Variants in NCOA3 observed in about 807,000 individuals in gnomAD.
The protein encoded by NCOA3 is CBP-interacting protein.
A neutral mutation model predicts 158.8 loss-of-function variants in NCOA3; 51 were observed. That is an observed-to-expected ratio of 0.32 (90% CI 0.26 to 0.41). The LOEUF (loss-of-function observed/expected upper bound fraction) is 0.41. Ranked by LOEUF, NCOA3 falls within the 10% of genes least tolerant of loss-of-function variation. NCOA3 has a pLI of 1.00. For missense variants in NCOA3, 1,510 were observed against 1,746.6 expected (o/e 0.86, Z 2.41); for synonymous variants, 537 against 592.4 (o/e 0.91, Z 1.36).
At position 47,618,479 on chromosome 20, in the gene NCOA3, T is replaced by G. The variant is rs558734542; in HGVS notation, c.-19-3750T>G. On this transcript the variant is annotated intron_variant, in intron 2 of 22. Coordinates refer to ENST00000371998, the MANE Select transcript of NCOA3 (RefSeq NM_181659.3). ...AAGCAATTCTCCTGTCTCAGCCTCCTGAGTAGCTGGAATTACAGACATGCA... is the reference window on the plus strand; with the variant it reads ...AAGCAATTCTCCTGTCTCAGCCTCCGGAGTAGCTGGAATTACAGACATGCA... 2.6e-5 allele frequency among the ~76,000 whole-genome samples: 4 copies of G among 151,318 alleles called. No homozygotes were observed. The East Asian group carries it at 7.9e-4, about 30-fold the overall frequency.
chr20:47,644,876 T>G (rs2086664153), intron 17 of NCOA3, among the ~76,000 whole-genome samples: 1 of 152,006 alleles, frequency 6.6e-6, no homozygotes, highest in Non-Finnish European at 1.5e-5. Context: ...TTTTGTATTT[T>G]TAGTAAAGAC....
At chr20:47,529,925 T>A (rs573630940) in intron 1 of NCOA3, among the ~76,000 whole-genome samples, 1 of 152,242 alleles carries the variant, frequency 6.6e-6, no homozygotes, top group Non-Finnish European at 1.5e-5. Flanking sequence ...GAAAGAAATA[T>A]GAAGAAGAAC....
chr20:47,513,517 GGAGTTTGAGACCAGCCTGGCC>G (rs1482137202), intron 1 of NCOA3, among the ~76,000 whole-genome samples: 1 of 152,016 alleles, frequency 6.6e-6, no homozygotes, highest in African/African-American at 2.4e-5. Flanking sequence ...TTCAAGGCCA[GGAGTTTGAGACCAGCCTGGCC>G]AACATGGCAA....
intron 2 of NCOA3, among the ~76,000 whole-genome samples, chr20:47,618,571 C>T (rs943568501): frequency 1.3e-5 from 2 of 152,106 alleles, no homozygotes; most frequent in African/African-American, 4.8e-5. Context: ...TCAGGCTGGT[C>T]TCGAACTCCC....
chr20:47,654,788 G>T lies in NCOA3; in HGVS notation c.*1371G>T, dbSNP rs1015629989. The T allele has an allele frequency of 6.6e-6, 1 of 152,042 alleles. No homozygotes were observed. The highest frequency in any genetic ancestry group is 2.4e-5 in the African/African-American group (1 of 41,398). The allele number at this position is 152,042 out of a possible 1,614,324, so 9.4% of individuals were successfully genotyped here. On this transcript the variant is annotated 3_prime_UTR_variant, in exon 23 of 23. Coordinates refer to ENST00000371998, the MANE Select transcript of NCOA3 (RefSeq NM_181659.3). ...AAAAAAATCAGGAATTTAAAAAAAC[G>T]AGCAATTTGAAGAGAATCTTTTGGA...
chr20:47,602,970 C>T (rs1266047422), intron 2 of NCOA3, among the ~76,000 whole-genome samples: 2 of 151,916 alleles, frequency 1.3e-5, no homozygotes, highest in East Asian at 1.9e-4. Flanking sequence ...AATTGCAGAG[C>T]GATAAGTTAT....
At chr20:47,525,263 T>A (rs1483625912) in intron 1 of NCOA3, among the ~76,000 whole-genome samples, 1 of 151,482 alleles carries the variant, frequency 6.6e-6, no homozygotes, top group Non-Finnish European at 1.5e-5. Context: ...AGGTCACCGA[T>A]CAACAGGATC....
chr20:47,517,182 C>T (rs147764875), intron 1 of NCOA3, among the ~76,000 whole-genome samples: 70 of 152,306 alleles, frequency 4.6e-4, no homozygotes, highest in African/African-American at 1.5e-3. Context: ...AGCACCACTG[C>T]ACTCCAGCCT....
At chr20:47,531,363 A>ACAAG (rs769631452) in intron 1 of NCOA3, among the ~76,000 whole-genome samples, 2 of 152,082 alleles carry the variant, frequency 1.3e-5, no homozygotes, top group African/African-American at 4.8e-5. Context: ...AAACAAACAA[A>ACAAG]CAAAAAGAAA....
Position 47,639,661 on chromosome 20 carries a change from A to G in NCOA3, c.2792A>G (p.Glu931Gly). 6.2e-7 allele frequency: 1 copy of G among 1,614,044 alleles called. No individual in the cohort carries two copies. Among genetic ancestry groups the G allele is most frequent in the South Asian group, 1.1e-5 (1 of 91,080 alleles). The part of the protein sequence containing the change: ...GLPNSKAGRM[E>G]PMNSNSMGRP... ...CCAAACTCAAAGGCCGGCAGAATGG[A>G]ACCTATGAATTCAAACTCCATGGGA... is the stretch of plus-strand genomic sequence containing the variant. The change falls in exon 15 of 23, where the codon GAA becomes GGA. Residue 931 changes from glutamate to glycine, a missense_variant. This residue lies in a region of NCOA3 where 1,017 missense variants were observed against 1,098.3 expected (regional missense o/e 0.93). Coordinates refer to ENST00000371998, the MANE Select transcript of NCOA3 (RefSeq NM_181659.3).
At chr20:47,542,746 G>C (rs1450988682) in intron 1 of NCOA3, among the ~76,000 whole-genome samples, 1 of 152,116 alleles carries the variant, frequency 6.6e-6, no homozygotes, top group Non-Finnish European at 1.5e-5. Flanking sequence ...TGGATCATTT[G>C]AGCCCCGGAG....
chr20:47,586,345 T>C (rs994132943), intron 2 of NCOA3, among the ~76,000 whole-genome samples: 1 of 152,206 alleles, frequency 6.6e-6, no homozygotes, highest in Non-Finnish European at 1.5e-5. Flanking sequence ...GTATTTGTGC[T>C]GTCCTACTCT....
At chr20:47,594,815 C>CAG (rs35052827) in intron 2 of NCOA3, among the ~76,000 whole-genome samples, 116,557 of 126,136 alleles carry the variant, frequency 0.92, 53,936 homozygotes, top group East Asian at 1. Flanking sequence ...TTTTTGGAGA[C>CAG]AGTTTTGCTG....
rs1211048414 is a variant in NCOA3 at position 47,637,631 on chromosome 20, T to G, written c.2377-17T>G. 1 of 1,591,694 alleles carries G rather than the reference T, an allele frequency of 6.3e-7. No individual in the cohort carries two copies. Among genetic ancestry groups the G allele is most frequent in the South Asian group, 1.2e-5 (1 of 86,728 alleles). ...CTGGTAATGTATACAGGTTAATTTTTAAAACTTTATTTTCAGGGATCTGGA... is the reference window on the plus strand; with the variant it reads ...CTGGTAATGTATACAGGTTAATTTTGAAAACTTTATTTTCAGGGATCTGGA... On this transcript the variant is annotated splice_polypyrimidine_tract_variant and intron_variant, in intron 12 of 22. Coordinates refer to ENST00000371998, the MANE Select transcript of NCOA3 (RefSeq NM_181659.3).
At chr20:47,568,115 G>T (rs1226275232) in intron 1 of NCOA3, among the ~76,000 whole-genome samples, 1 of 152,086 alleles carries the variant, frequency 6.6e-6, no homozygotes, top group African/African-American at 2.4e-5. Context: ...TCTATTTTTG[G>T]CACAGAAGCT....
chr20:47,542,019 T>TGTTTTG (rs1458269818), intron 1 of NCOA3, among the ~76,000 whole-genome samples: 1 of 117,826 alleles, frequency 8.5e-6, no homozygotes, highest in African/African-American at 3.2e-5. Context: ...GTTTTTTTTT[T>TGTTTTG]TTTTTTTTTT....
At chr20:47,637,550 ACTTG>A (rs1271297089) in intron 12 of NCOA3, 94 bp from the exon 13 acceptor site, 9 of 996,690 alleles carry the variant, frequency 9.0e-6, no homozygotes, top group South Asian at 5.5e-5. Flanking sequence ...TTTGTATTTT[ACTTG>A]CTTCTATTTC....
At chr20:47,648,517 G>T (rs1405043698) in intron 18 of NCOA3, among the ~76,000 whole-genome samples, 1 of 152,054 alleles carries the variant, frequency 6.6e-6, no homozygotes, top group Non-Finnish European at 1.5e-5. Flanking sequence ...CAGGGTTTCA[G>T]GATGGAATGC....
At chr20:47,524,908 C>A (rs1568653706) in intron 1 of NCOA3, among the ~76,000 whole-genome samples, 1 of 151,860 alleles carries the variant, frequency 6.6e-6, no homozygotes, top group African/African-American at 2.4e-5. Flanking sequence ...TTTTGTATTT[C>A]TATTTTATTT....
Sources: allele counts gnomAD v4.1 joint callset (sites outside exome capture counted in the v4.1 genomes callset), GRCh38; gene constraint gnomAD v4.1.1; regional missense constraint gnomAD v4.1.1; transcripts MANE v1.5; gene names NCBI Gene and HGNC (gene_info 2026-07-23, HGNC 2026-07-21).